Variants in CLCN1 observed in about 807,000 individuals in gnomAD.
CLCN1 encodes the protein chloride channel protein 1.
Under a neutral mutation model 114.5 loss-of-function variants are expected in CLCN1, and 100 were observed. That is an observed-to-expected ratio of 0.87 (90% CI 0.74 to 1.03). The LOEUF (loss-of-function observed/expected upper bound fraction) is 1.03. Among genes scored for constraint, CLCN1 ranks in the 50% least tolerant of loss-of-function variants. The pLI is 0.00. For synonymous variants in CLCN1, 485 were observed against 487.1 expected (o/e 1.00, Z 0.06); for missense variants, 1,188 against 1,250.0 (o/e 0.95, Z 0.75).
Position 143,337,807 on chromosome 7 carries a change from C to CTTTTTTTTTTTTTTTTTTTT in CLCN1, c.1402-1428_1402-1409dup, listed in dbSNP as rs869078445. Among the ~76,000 whole-genome samples the CTTTTTTTTTTTTTTTTTTTT allele has an allele frequency of 1.1e-4, 5 of 46,046 alleles. 2 individuals carry two copies. Among genetic ancestry groups the CTTTTTTTTTTTTTTTTTTTT allele is most frequent in the Non-Finnish European group, 1.6e-4 (4 of 24,862 alleles). The allele number at this position is 46,046 out of a possible 152,430, so 30.2% of individuals were successfully genotyped here. On this transcript the variant is annotated intron_variant, in intron 12 of 22. Coordinates refer to ENST00000343257, the MANE Select transcript of CLCN1 (RefSeq NM_000083.3). ...CTTTTTTCCATTCTATTTCTCAATT[C>CTTTTTTTTTTTTTTTTTTTT]TTTTTTTTTTTTTTTTTTTTTTTTT...
rs780173260 is a variant in CLCN1, at chr7:143,346,164, C to T, written c.2197C>T (p.Pro733Ser). The T allele has an allele frequency of 6.2e-6, 10 of 1,612,174 alleles. No homozygotes were observed. In the African/African-American group the frequency reaches 1.2e-4, roughly 19 times the overall value. Residue 733 changes from proline (P) to serine (S), a missense_variant, in exon 18 of 23, where the codon CCC becomes TCC. Physicochemically the swap from Pro to Ser is moderately conservative, Grantham distance 74. Coordinates refer to ENST00000343257, the MANE Select transcript of CLCN1 (RefSeq NM_000083.3). ...GCTTCCTCCTTCCCTTGCTCTCCAC[C>T]CCTCTACTACTGCCCCTCTGTCCCC... The part of the protein sequence containing the change: ...SELPPSLALH[P>S]STTAPLSPEE...
intron 12 of CLCN1, 152 bp downstream of exon 12, chr7:143,333,025 A>G (rs943305511): frequency 3.3e-6 from 3 of 912,688 alleles, no homozygotes; most frequent in East Asian, 2.4e-5. Context: ...TTGGCCAGGC[A>G]TGGTGGCTCA....
chr7:143,352,039 C>T lies in CLCN1; in HGVS notation c.*74C>T, dbSNP rs759787754. 22 of 1,592,832 alleles carry T rather than the reference C, an allele frequency of 1.4e-5. No individual in the cohort carries two copies. Among genetic ancestry groups the T allele is most frequent in the South Asian group, 3.3e-5 (3 of 90,090 alleles). ...GGGTGAACTTGTGTGGGGCAGGGTGCGTCCTGAATGTGGCGAGGTCATGCC... is the reference window on the plus strand; with the variant it reads ...GGGTGAACTTGTGTGGGGCAGGGTGTGTCCTGAATGTGGCGAGGTCATGCC... On this transcript the variant is annotated 3_prime_UTR_variant, in exon 23 of 23. Coordinates refer to ENST00000343257, the MANE Select transcript of CLCN1 (RefSeq NM_000083.3).
At position 143,319,786 on chromosome 7, in the gene CLCN1, A is replaced by G; in HGVS notation, c.212A>G (p.Asp71Gly). ...IYGHHKEQFS[D>G]REQDIGMPKK... is the part of the protein sequence containing the mutation. Reference sequence around the variant, plus strand: ...GGCCATCACAAAGAACAATTCTCAGACAGGGAGCAGGACATAGGGATGCCC... The same window carrying G: ...GGCCATCACAAAGAACAATTCTCAGGCAGGGAGCAGGACATAGGGATGCCC... Residue 71 changes from aspartate to glycine, a missense_variant, in exon 2 of 23, where the codon GAC (aspartate) becomes GGC (glycine). Transcript: ENST00000343257. The G allele has an allele frequency of 6.2e-7, 1 of 1,613,886 alleles. No homozygotes were observed. Among genetic ancestry groups the G allele is most frequent in the Middle Eastern group, 1.7e-4 (1 of 6,056 alleles).
In CLCN1 at chr7:143,346,202, T is replaced by C. The variant is rs1289747882; in HGVS notation, c.2235T>C (p.Asn745=). ...TTAPLSPEEP[N]GPLPGHKQQP... is the part of the protein sequence containing the mutation. ...CCCCTCTGTCCCCAGAAGAGCCCAA[T>C]GGGCCTCTGCCTGGCCACAAACAGC... is the stretch of plus-strand genomic sequence containing the variant. Residue 745 remains asparagine, a synonymous_variant, in exon 18 of 23, where the codon AAT becomes AAC. Transcript: ENST00000343257. 6.2e-7 allele frequency: 1 copy of C among 1,613,808 alleles called. No individual in the cohort carries two copies. Among genetic ancestry groups the C allele is most frequent in the Non-Finnish European group, 8.5e-7 (1 of 1,179,920 alleles).
At chr7:143,346,821 C>A in intron 19 of CLCN1, 90 bp from the exon 20 acceptor site, 1 of 1,343,584 alleles carries the variant, frequency 7.4e-7, no homozygotes, top group Non-Finnish European at 1.1e-6. Flanking sequence ...GTGGTCCTGG[C>A]CAGGGAGGGA....
At chr7:143,333,609 T>G (rs1802790617) in intron 12 of CLCN1, among the ~76,000 whole-genome samples, 1 of 152,220 alleles carries the variant, frequency 6.6e-6, no homozygotes, top group African/African-American at 2.4e-5. Context: ...AGCATCTTTT[T>G]TCCCCCGGTT....
At position 143,350,484 on chromosome 7, in the gene CLCN1, T is replaced by G; in HGVS notation, c.2508+8T>G. 1 of 1,612,714 alleles carries G rather than the reference T, an allele frequency of 6.2e-7. No homozygotes were observed. Among genetic ancestry groups the G allele is most frequent in the Non-Finnish European group, 8.5e-7 (1 of 1,178,734 alleles). ...CAGACAACCCTGCACAAGGTGAGTC[T>G]TTTGCTGACTGCTCAGGGCTGTGGG... is the stretch of plus-strand genomic sequence containing the variant. On this transcript the variant is annotated splice_region_variant and intron_variant, in intron 21 of 22. Transcript: ENST00000343257. This position sits in a 1 kb window ranked among gnomAD's most constrained non-coding sequence, Gnocchi z 5.1.
rs763064625 is a variant in CLCN1, at chr7:143,352,044, T to G, written c.*79T>G. 6 of 1,586,582 alleles carry G rather than the reference T, an allele frequency of 3.8e-6. No homozygotes were observed. Among genetic ancestry groups the G allele is most frequent in the Non-Finnish European group, 5.2e-6 (6 of 1,157,716 alleles). The stretch of plus-strand genomic sequence containing the variant: ...AACTTGTGTGGGGCAGGGTGCGTCC[T>G]GAATGTGGCGAGGTCATGCCAATGT... On this transcript the variant is annotated 3_prime_UTR_variant, in exon 23 of 23. Coordinates refer to ENST00000343257, the MANE Select transcript of CLCN1 (RefSeq NM_000083.3).
At chr7:143,351,371 G>A (rs1803394879) in intron 22 of CLCN1, among the ~76,000 whole-genome samples, 1 of 152,098 alleles carries the variant, frequency 6.6e-6, no homozygotes. Flanking sequence ...TCTGAGTCTG[G>A]GCAGGTGGAT....
intron 2 of CLCN1, 109 bp from the exon 3 acceptor site, chr7:143,320,555 C>A (rs1230686085): frequency 3.1e-5 from 5 of 162,416 alleles, no homozygotes; most frequent in Admixed American, 1.4e-4. Flanking sequence ...AGCTGCTTTT[C>A]TCTCTCTCTC....
intron 16 of CLCN1, 144 bp from the exon 17 acceptor site, chr7:143,345,377 T>C: frequency 8.8e-7 from 1 of 1,131,190 alleles, no homozygotes; most frequent in African/African-American, 1.6e-5. Context: ...TGGAGGATTC[T>C]TAAAATGAGT....
chr7:143,331,971 G>T (rs1802736097), intron 10 of CLCN1, among the ~76,000 whole-genome samples: 7 of 152,194 alleles, frequency 4.6e-5, no homozygotes, highest in Admixed American at 4.6e-4. Context: ...TGGGATTACA[G>T]ACATGCACCA....
chr7:143,321,254 A>C lies in CLCN1; in HGVS notation c.434-111A>C, dbSNP rs1802422752. The C allele has an allele frequency of 1.6e-6, 2 of 1,273,038 alleles. No homozygotes were observed. The highest frequency in any genetic ancestry group is 2.9e-5 in the African/African-American group (2 of 67,936). 78.9% of individuals were successfully genotyped at this position (1,273,038 alleles called of 1,614,324 possible). A position where few individuals can be genotyped will look rare whatever the true frequency, so the allele number is the denominator to read the frequency against. Reference sequence around the variant, plus strand: ...CAAATGAGAGCAGCACCATCTCAGAAGGGGCACACAGAAGGAGCACGGCCT... The same window carrying C: ...CAAATGAGAGCAGCACCATCTCAGACGGGGCACACAGAAGGAGCACGGCCT... On this transcript the variant is annotated intron_variant, in intron 3 of 22. Transcript: ENST00000343257. The surrounding 1 kb of genome is among the most constrained non-coding windows in gnomAD (Gnocchi z 4.2).
At chr7:143,332,316 T>C in intron 10 of CLCN1, 103 bp from the exon 11 acceptor site, 1 of 893,842 alleles carries the variant, frequency 1.1e-6, no homozygotes, top group Admixed American at 1.7e-5. Context: ...TTTAAAGAAA[T>C]GAGACTACGG....
intron 20 of CLCN1, among the ~76,000 whole-genome samples, chr7:143,348,160 A>T (rs1803307053): frequency 6.6e-6 from 1 of 152,198 alleles, no homozygotes; most frequent in South Asian, 2.1e-4. Flanking sequence ...GTTGTGAGTG[A>T]CAAGACAGAA....
At chr7:143,332,647 T>G in intron 11 of CLCN1, 77 bp from the exon 12 acceptor site, 1 of 1,579,292 alleles carries the variant, frequency 6.3e-7, no homozygotes, top group Non-Finnish European at 8.7e-7. Context: ...ATAATGAGGC[T>G]GGGGAATAAG....
chr7:143,345,406 G>C (rs1198124425), intron 16 of CLCN1, 115 bp from the exon 17 acceptor site: 3 of 1,302,218 alleles, frequency 2.3e-6, no homozygotes, highest in Non-Finnish European at 3.1e-6. Flanking sequence ...AGCTGAGAAA[G>C]ATGTGGGGAC....
intron 12 of CLCN1, among the ~76,000 whole-genome samples, chr7:143,335,678 G>GTTTTTTTTTTTT (rs1802862742): frequency 1.4e-5 from 1 of 72,902 alleles, no homozygotes. Flanking sequence ...TTTTTTTTTT[G>GTTTTTTTTTTTT]ATTCGGAATC....
Sources: allele counts gnomAD v4.1 joint callset (sites outside exome capture counted in the v4.1 genomes callset), GRCh38; gene constraint gnomAD v4.1.1; non-coding constraint Gnocchi (gnomAD v3.1); transcripts MANE v1.5; gene names NCBI Gene and HGNC (gene_info 2026-07-23, HGNC 2026-07-21).